SEMA3A: variants seen among roughly 807,000 people sequenced by gnomAD.
The protein encoded by SEMA3A is semaphorin-3A.
Under a neutral mutation model 97.9 loss-of-function variants are expected in SEMA3A, and 29 were observed. The ratio of observed to expected loss-of-function variants is 0.30; its 90% CI spans 0.22 to 0.40. SEMA3A has a LOEUF of 0.40. SEMA3A is among the 10% of genes least tolerant of loss of function. The pLI is 1.00. For synonymous variants in SEMA3A, 321 were observed against 323.7 expected, an observed-to-expected ratio of 0.99 and a Z score of 0.09; for missense variants, 763 against 951.3, an observed-to-expected ratio of 0.80 and a Z score of 2.60.
chr7:84,166,953 C>G (rs1297166415), intron 1 of SEMA3A, among the ~76,000 whole-genome samples: 1 of 105,100 alleles, frequency 9.5e-6, no homozygotes. Flanking sequence ...ACAATGTATT[C>G]TATATAAATT....
intron 4 of SEMA3A, among the ~76,000 whole-genome samples, chr7:84,102,948 T>A (rs563044244): frequency 2.6e-5 from 4 of 152,110 alleles, no homozygotes; most frequent in African/African-American, 9.6e-5. Flanking sequence ...TTACCACATA[T>A]TGTATGGGGG....
intron 1 of SEMA3A, among the ~76,000 whole-genome samples, chr7:84,145,065 C>T (rs1414945407): frequency 6.6e-6 from 1 of 152,142 alleles, no homozygotes; most frequent in Non-Finnish European, 1.5e-5. Context: ...AGCTCGATGA[C>T]ATGCCATCTA....
intron 9 of SEMA3A, among the ~76,000 whole-genome samples, chr7:84,008,755 C>T (rs1046392820): frequency 1.3e-5 from 2 of 152,120 alleles, no homozygotes; most frequent in Non-Finnish European, 2.9e-5. Flanking sequence ...AGGGAAGAGA[C>T]CATGCCTGGC....
chr7:84,251,592 G>C (rs1001287540), intron 3 of SEMA3A, among the ~76,000 whole-genome samples: 1 of 152,158 alleles, frequency 6.6e-6, no homozygotes, highest in African/African-American at 2.4e-5. Flanking sequence ...CATGGAGTGG[G>C]TGTCCCACAG....
chr7:84,385,096 CAA>C (rs1491324589), intron 1 of SEMA3A, among the ~76,000 whole-genome samples: 68 of 139,856 alleles, frequency 4.9e-4, no homozygotes, highest in African/African-American at 2.0e-3. Context: ...CACACACACA[CAA>C]ACACTCAATT....
At chr7:84,204,385 A>G (rs1483324832) in intron 3 of SEMA3A, among the ~76,000 whole-genome samples, 1 of 152,104 alleles carries the variant, frequency 6.6e-6, no homozygotes, top group East Asian at 1.9e-4. Flanking sequence ...ATATTTTTTT[A>G]TTGCCAAATA....
In SEMA3A at chr7:84,424,559, A is replaced by G. The variant is rs1370025169; in HGVS notation, c.-245-52659T>C. 4.3e-4 allele frequency among the ~76,000 whole-genome samples: 39 copies of G among 91,648 alleles called. 1 individual carries two copies. The highest frequency in any genetic ancestry group is 1.9e-3 in the African/African-American group (37 of 19,266). 60.1% of individuals were successfully genotyped at this position (91,648 alleles called of 152,430 possible). ...ATATAAATATTAATATATATTATAT[A>G]TAATATATAAATATTAATATATATT... On this transcript the variant is annotated intron_variant, in intron 1 of 3. Coordinates refer to the SEMA3A transcript ENST00000424555.
intron 4 of SEMA3A, among the ~76,000 whole-genome samples, chr7:84,095,532 G>C (rs1794747961): frequency 6.7e-6 from 1 of 150,000 alleles, no homozygotes; most frequent in Non-Finnish European, 1.5e-5. Flanking sequence ...TAAATAACTT[G>C]GCTTATGCAT....
At chr7:84,088,936 CAGTG>C (rs1231549333) in intron 4 of SEMA3A, among the ~76,000 whole-genome samples, 1 of 149,768 alleles carries the variant, frequency 6.7e-6, no homozygotes, top group Admixed American at 6.6e-5. Flanking sequence ...GGATTTTAAA[CAGTG>C]AGGGAGGGGG....
At chr7:84,342,543 A>T (rs1422628257) in intron 2 of SEMA3A, among the ~76,000 whole-genome samples, 1 of 152,226 alleles carries the variant, frequency 6.6e-6, no homozygotes, top group African/African-American at 2.4e-5. Flanking sequence ...GGAAAATAAG[A>T]TATCTACAAA....
chr7:84,187,294 T>G (rs10238863), intron 1 of SEMA3A, among the ~76,000 whole-genome samples: 3,306 of 152,294 alleles, frequency 0.022, 145 homozygotes, highest in African/African-American at 0.076. Context: ...AATGGGATAC[T>G]TTCACTTATC....
At chr7:84,188,642 ATACT>A (rs2116259902) in intron 1 of SEMA3A, among the ~76,000 whole-genome samples, 1 of 152,062 alleles carries the variant, frequency 6.6e-6, no homozygotes, top group African/African-American at 2.4e-5. Context: ...ATAATATGTG[ATACT>A]TAATATATAC....
chr7:84,347,374 G>A (rs542078), intron 2 of SEMA3A, among the ~76,000 whole-genome samples: 12,361 of 148,682 alleles, frequency 0.083, 1,279 homozygotes, highest in African/African-American at 0.24. Flanking sequence ...GCAATAATAA[G>A]AACAGCTTAC....
rs558667517 is a variant in SEMA3A at position 84,063,185 on chromosome 7, C to G, written c.454-2627G>C. Among the ~76,000 whole-genome samples, 3 of 151,770 alleles carry G rather than the reference C, an allele frequency of 2.0e-5. No homozygotes were observed. In the East Asian group the frequency reaches 5.9e-4, roughly 30 times the overall value. On this transcript the variant is annotated intron_variant, in intron 4 of 16. Transcript: ENST00000265362. The stretch of plus-strand genomic sequence containing the variant: ...CTGACACCTCACATGGCAGGGTATT[C>G]CAACAGACCTGCAGCTGAGGGTCCT...
At chr7:84,016,261 C>A (rs528798149) in intron 6 of SEMA3A, among the ~76,000 whole-genome samples, 1 of 152,066 alleles carries the variant, frequency 6.6e-6, no homozygotes, top group Non-Finnish European at 1.5e-5. Context: ...GAAACCTGGC[C>A]GGGCACGGTG....
intron 3 of SEMA3A, among the ~76,000 whole-genome samples, chr7:84,290,306 T>C (rs1402063030): frequency 2.6e-5 from 4 of 152,082 alleles, no homozygotes; most frequent in African/African-American, 9.7e-5. Context: ...ACAAAAAAAC[T>C]GTCTGTGTCC....
chr7:84,384,880 C>T (rs980278644), intron 1 of SEMA3A, among the ~76,000 whole-genome samples: 1 of 152,090 alleles, frequency 6.6e-6, no homozygotes, highest in Admixed American at 6.6e-5. Flanking sequence ...GTCTGCAATT[C>T]ATCTACAAAG....
chr7:84,138,219 T>A (rs1311711638), intron 1 of SEMA3A, among the ~76,000 whole-genome samples: 2 of 152,056 alleles, frequency 1.3e-5, no homozygotes, highest in Non-Finnish European at 2.9e-5. Context: ...TATATATATT[T>A]TTTTTCTTTT....
At chr7:84,239,715 G>A (rs1419649107) in intron 3 of SEMA3A, among the ~76,000 whole-genome samples, 1 of 151,992 alleles carries the variant, frequency 6.6e-6, no homozygotes, top group Non-Finnish European at 1.5e-5. Flanking sequence ...TAAATTAGAG[G>A]ACTTAGGACT....
Sources: gnomAD v4.1 joint callset for allele counts (sites outside exome capture counted in the v4.1 genomes callset) on GRCh38, gnomAD v4.1.1 for gene constraint, MANE v1.5 for transcripts, NCBI Gene and HGNC (gene_info 2026-07-23, HGNC 2026-07-21) for gene names.